The following KCNH1 variants were observed in gnomAD, a reference collection of about 807,000 sequenced individuals.
KCNH1 encodes the protein potassium voltage-gated channel subfamily H member 1, also known as voltage-gated delayed rectifier potassium channel KCNH1.
Under a neutral mutation model 69.2 loss-of-function variants are expected in KCNH1, and 27 were observed. The observed-to-expected ratio is 0.39, with a 90% CI of 0.29 to 0.54. The LOEUF (loss-of-function observed/expected upper bound fraction) is 0.54. KCNH1 is among the 20% of genes least tolerant of loss of function. The pLI is 0.68. For synonymous variants in KCNH1, 456 were observed against 487.7 expected, an observed-to-expected ratio of 0.93 and a Z score of 0.86; for missense variants, 798 against 1,261.6, an observed-to-expected ratio of 0.63 and a Z score of 5.57.
intron 6 of KCNH1, among the ~76,000 whole-genome samples, chr1:210,922,223 T>C (rs531937968): frequency 1.3e-5 from 2 of 151,172 alleles, no homozygotes; most frequent in South Asian, 2.1e-4. Flanking sequence ...CCACTAAAAA[T>C]ACAAAAAACT....
intron 6 of KCNH1, among the ~76,000 whole-genome samples, chr1:210,940,966 T>A (rs899231382): frequency 3.3e-5 from 5 of 152,240 alleles, no homozygotes; most frequent in Non-Finnish European, 7.3e-5. Context: ...GATGACAGTA[T>A]GTCAGGGTCT....
chr1:210,984,971 T>C (rs1481015349), intron 6 of KCNH1, among the ~76,000 whole-genome samples: 2 of 152,224 alleles, frequency 1.3e-5, no homozygotes. Flanking sequence ...AGCCTGTTAT[T>C]GGTCTATTCA....
chr1:211,120,795 C>G (rs11579711), intron 1 of KCNH1, among the ~76,000 whole-genome samples: 27,840 of 151,986 alleles, frequency 0.18, 2,774 homozygotes, highest in African/African-American at 0.25. Flanking sequence ...ATCATCTCAG[C>G]CCAAAAACTT....
chr1:210,849,388 G>A (rs7541656), intron 7 of KCNH1, among the ~76,000 whole-genome samples: 12,907 of 136,180 alleles, frequency 0.095, 813 homozygotes, highest in Middle Eastern at 0.15. Context: ...TTTTTGAGAC[G>A]GAGTTTTGCT....
chr1:210,904,235 A>G (rs548117010), intron 7 of KCNH1, among the ~76,000 whole-genome samples: 11 of 152,340 alleles, frequency 7.2e-5, no homozygotes, highest in Non-Finnish European at 1.5e-4. Context: ...AAAAAGCCTG[A>G]TTAAAAGAAG....
chr1:210,870,796 CT>C (rs1435597857), intron 7 of KCNH1, among the ~76,000 whole-genome samples: 3 of 152,104 alleles, frequency 2.0e-5, no homozygotes, highest in Non-Finnish European at 4.4e-5. Flanking sequence ...CTGCAGTTGC[CT>C]TTTTCTCTAT....
chr1:210,876,982 G>A (rs1298391063), intron 7 of KCNH1, among the ~76,000 whole-genome samples: 4 of 151,156 alleles, frequency 2.6e-5, no homozygotes, highest in Admixed American at 6.6e-5. Flanking sequence ...TAACCTTACC[G>A]CTCAGCCTCA....
intron 7 of KCNH1, among the ~76,000 whole-genome samples, chr1:210,866,747 T>C (rs1468898942): frequency 1.3e-5 from 2 of 152,132 alleles, no homozygotes; most frequent in African/African-American, 4.8e-5. Context: ...ATTCCACTCC[T>C]AAGTCTATAC....
chr1:210,872,566 T>C (rs990341662), intron 7 of KCNH1, among the ~76,000 whole-genome samples: 7 of 152,158 alleles, frequency 4.6e-5, no homozygotes, highest in Admixed American at 1.3e-4. Context: ...GATGCTGACA[T>C]CTGCTCAGCT....
intron 4 of KCNH1, among the ~76,000 whole-genome samples, chr1:211,085,144 T>A (rs1182131245): frequency 1.3e-5 from 2 of 151,968 alleles, no homozygotes; most frequent in Non-Finnish European, 2.9e-5. Context: ...AAGAAAGATA[T>A]CCCACACAGA....
intron 5 of KCNH1, among the ~76,000 whole-genome samples, chr1:211,030,259 T>C (rs527359247): frequency 6.6e-6 from 1 of 152,344 alleles, no homozygotes; most frequent in South Asian, 2.1e-4. Flanking sequence ...ACATTAAACA[T>C]AACTGGGTTT....
intron 10 of KCNH1, among the ~76,000 whole-genome samples, chr1:210,749,741 AC>A (rs1321058958): frequency 3.6e-4 from 40 of 112,140 alleles, no homozygotes; most frequent in African/African-American, 1.5e-3. Flanking sequence ...AAGGCTGCTC[AC>A]TTTTTTTTTT....
intron 4 of KCNH1, among the ~76,000 whole-genome samples, chr1:211,084,774 C>T (rs575399057): frequency 3.3e-5 from 5 of 152,316 alleles, no homozygotes; most frequent in African/African-American, 9.6e-5. Context: ...TCTATAGATA[C>T]TTTATAATGG....
chr1:210,739,622 G>A (rs78002766), intron 10 of KCNH1, among the ~76,000 whole-genome samples: 723 of 152,322 alleles, frequency 4.7e-3, no homozygotes, highest in Non-Finnish European at 8.6e-3. Flanking sequence ...AGAGGTCAGG[G>A]ATAAATAAGA....
chr1:211,108,633 G>A (rs945180556), intron 1 of KCNH1: 3 of 152,244 alleles, frequency 2.0e-5, no homozygotes, highest in Non-Finnish European at 4.4e-5. Context: ...GGGCCTGAGA[G>A]GAGATAAGGG....
intron 7 of KCNH1, among the ~76,000 whole-genome samples, chr1:210,833,870 T>C (rs374691843): frequency 2.2e-4 from 33 of 152,100 alleles, no homozygotes; most frequent in South Asian, 8.3e-4. Context: ...AAAAAGTGGG[T>C]GAAGGACATG....
At chr1:210,852,470 T>A (rs900182728) in intron 7 of KCNH1, among the ~76,000 whole-genome samples, 4 of 152,226 alleles carry the variant, frequency 2.6e-5, no homozygotes, top group African/African-American at 7.2e-5. Context: ...GAGTAAATTT[T>A]AAATTTTAAT....
chr1:210,924,199 T>C (rs1687520590), intron 6 of KCNH1, among the ~76,000 whole-genome samples: 1 of 152,362 alleles, frequency 6.6e-6, no homozygotes, highest in Admixed American at 6.5e-5. Context: ...TCCAGAACTG[T>C]GAGAGAATAA....
At chr1:210,817,688 T>C (rs1684847756) in intron 7 of KCNH1, among the ~76,000 whole-genome samples, 1 of 152,164 alleles carries the variant, frequency 6.6e-6, no homozygotes, top group South Asian at 2.1e-4. Context: ...AGCAGGCCTA[T>C]GAGATAGGGA....
Sources: allele counts gnomAD v4.1 joint callset (sites outside exome capture counted in the v4.1 genomes callset), GRCh38; gene constraint gnomAD v4.1.1; transcripts MANE v1.5; gene names NCBI Gene and HGNC (gene_info 2026-07-23, HGNC 2026-07-21).